TMPRSS15: variants seen among roughly 807,000 people sequenced by gnomAD.
The protein encoded by TMPRSS15 is transmembrane serine protease 15, also known as enteropeptidase.
Under a neutral mutation model 125.3 loss-of-function variants are expected in TMPRSS15, and 128 were observed. The ratio of observed to expected loss-of-function variants is 1.02; its 90% CI spans 0.89 to 1.18. The LOEUF (loss-of-function observed/expected upper bound fraction) is 1.18. Among genes scored for constraint, TMPRSS15 ranks in the 50% most tolerant of loss-of-function variants. The probability of loss-of-function intolerance (pLI) is 0.00; values close to 1 mark genes in which losing one functional copy is unlikely to be tolerated. For missense variants in TMPRSS15, 1,283 were observed against 1,212.7 expected, an observed-to-expected ratio of 1.06 and a Z score of -0.86; for synonymous variants, 446 against 423.2, an observed-to-expected ratio of 1.05 and a Z score of -0.66.
chr21:18,346,492 C>T (rs1170779432), intron 10 of TMPRSS15, among the ~76,000 whole-genome samples: 1 of 152,206 alleles, frequency 6.6e-6, no homozygotes, highest in Non-Finnish European at 1.5e-5. Flanking sequence ...GCCACTATTA[C>T]ATCTCTCCTA....
chr21:18,352,109 G>T (rs186869005), intron 10 of TMPRSS15, among the ~76,000 whole-genome samples: 1 of 151,862 alleles, frequency 6.6e-6, no homozygotes, highest in Admixed American at 6.6e-5. Flanking sequence ...TTCCTTCTAA[G>T]ATTTGTAACT....
chr21:18,426,757 A>C (rs1000049562), intron 1 of TMPRSS15, among the ~76,000 whole-genome samples: 5 of 152,224 alleles, frequency 3.3e-5, no homozygotes, highest in Non-Finnish European at 7.3e-5. Context: ...ATTTTCATTG[A>C]TAACATTTGA....
intron 1 of TMPRSS15, among the ~76,000 whole-genome samples, chr21:18,401,679 A>G (rs777237461): frequency 3.9e-5 from 6 of 152,096 alleles, no homozygotes; most frequent in Non-Finnish European, 7.4e-5. Context: ...AAACCTCAAT[A>G]TATGCAATAT....
intron 21 of TMPRSS15, among the ~76,000 whole-genome samples, chr21:18,293,049 C>T (rs2074857844): frequency 6.6e-6 from 1 of 152,098 alleles, no homozygotes; most frequent in Non-Finnish European, 1.5e-5. Context: ...ATTTGGCAAA[C>T]CTGAGAGCTA....
At chr21:18,315,828 G>T (rs1002472354) in intron 16 of TMPRSS15, among the ~76,000 whole-genome samples, 15 of 145,020 alleles carry the variant, frequency 1.0e-4, no homozygotes, top group Admixed American at 9.7e-4. Flanking sequence ...GTGTACCCTA[G>T]AACTTAAAGT....
intron 1 of TMPRSS15, among the ~76,000 whole-genome samples, chr21:18,425,836 T>C (rs1422049404): frequency 6.6e-6 from 1 of 152,150 alleles, no homozygotes; most frequent in Non-Finnish European, 1.5e-5. Flanking sequence ...TATTCTGGGC[T>C]TCAAGCACTC....
At chr21:18,459,744 G>A (rs576636274) in intron 1 of TMPRSS15, among the ~76,000 whole-genome samples, 2 of 152,142 alleles carry the variant, frequency 1.3e-5, no homozygotes, top group Admixed American at 1.3e-4. Flanking sequence ...TATTTTCATG[G>A]GAATTGTTTT....
chr21:18,358,872 A>C (rs944619564), intron 8 of TMPRSS15, among the ~76,000 whole-genome samples: 2 of 152,114 alleles, frequency 1.3e-5, no homozygotes, highest in African/African-American at 4.8e-5. Flanking sequence ...AATCTGTAAA[A>C]AATTATTCAA....
chr21:18,482,060 A>G (rs1490676772), intron 1 of TMPRSS15, among the ~76,000 whole-genome samples: 1 of 151,458 alleles, frequency 6.6e-6, no homozygotes, highest in Non-Finnish European at 1.5e-5. Context: ...AATTTTATCT[A>G]CGATATATTA....
Position 18,344,039 on chromosome 21 carries a change from G to T in TMPRSS15, c.1193C>A (p.Thr398Asn), listed in dbSNP as rs368235009. 1 of 1,613,880 alleles carries T rather than the reference G, an allele frequency of 6.2e-7. No homozygotes were observed. Among genetic ancestry groups the T allele is most frequent in the African/African-American group, 1.3e-5 (1 of 75,048 alleles). The change falls in exon 11 of 25, where the codon ACT becomes AAT. Residue 398 changes from threonine (T) to asparagine (N), a missense_variant. Physicochemically the swap from Thr to Asn is moderately conservative, Grantham distance 65. Coordinates refer to ENST00000284885, the MANE Select transcript of TMPRSS15 (RefSeq NM_002772.3). ...NASGFYISTPTGPGGRQERVG... is the reference protein window; with the variant it reads ...NASGFYISTPNGPGGRQERVG... ...TCGTTCTTGTCTCCCTCCTGGTCCA[G>T]TTGGGGTAGAAATGTAAAATCCTGT...
intron 1 of TMPRSS15, among the ~76,000 whole-genome samples, chr21:18,426,622 T>C (rs1351377080): frequency 6.6e-6 from 1 of 152,096 alleles, no homozygotes; most frequent in African/African-American, 2.4e-5. Context: ...AGCTATTTGT[T>C]TTAGCCACAG....
chr21:18,463,725 AG>A, intron 1 of TMPRSS15, among the ~76,000 whole-genome samples: 1 of 152,314 alleles, frequency 6.6e-6, no homozygotes, highest in Non-Finnish European at 1.5e-5. Context: ...CAAATGCAAA[AG>A]AATGGAAGTC....
At chr21:18,415,928 A>T (rs926874586) in intron 1 of TMPRSS15, among the ~76,000 whole-genome samples, 25 of 152,078 alleles carry the variant, frequency 1.6e-4, no homozygotes, top group Admixed American at 8.5e-4. Flanking sequence ...AAAATGTTAG[A>T]ACTAATAAAC....
Position 18,344,029 on chromosome 21 carries a change from T to C in TMPRSS15, c.1203A>G (p.Gly401=). Residue 401 remains glycine (G), a synonymous_variant, in exon 11 of 25, where the codon GGA becomes GGG. Coordinates refer to ENST00000284885, the MANE Select transcript of TMPRSS15 (RefSeq NM_002772.3). ...GFYISTPTGP[G]GRQERVGLLS... ...AAAGCCCCACTCGTTCTTGTCTCCCTCCTGGTCCAGTTGGGGTAGAAATGT... is the reference window on the plus strand; with the variant it reads ...AAAGCCCCACTCGTTCTTGTCTCCCCCCTGGTCCAGTTGGGGTAGAAATGT... 1 of 1,613,974 alleles carries C rather than the reference T, an allele frequency of 6.2e-7. No individual in the cohort carries two copies. Among genetic ancestry groups the C allele is most frequent in the Non-Finnish European group, 8.5e-7 (1 of 1,179,990 alleles).
At chr21:18,281,649 C>G (rs2074699779) in intron 21 of TMPRSS15, among the ~76,000 whole-genome samples, 1 of 152,164 alleles carries the variant, frequency 6.6e-6, no homozygotes, top group Non-Finnish European at 1.5e-5. Context: ...TAATATATGG[C>G]TAGGTTGGAG....
intron 1 of TMPRSS15, among the ~76,000 whole-genome samples, chr21:18,414,136 TTTAA>T (rs1384478158): frequency 4.6e-5 from 7 of 152,210 alleles, no homozygotes; most frequent in Non-Finnish European, 7.3e-5. Context: ...TTTTATTTCC[TTTAA>T]TTTTTTAAAA....
intron 3 of TMPRSS15, among the ~76,000 whole-genome samples, chr21:18,390,170 A>C (rs535511267): frequency 6.6e-6 from 1 of 152,280 alleles, no homozygotes; most frequent in African/African-American, 2.4e-5. Context: ...TTTTCATAAA[A>C]CTTTCCATGA....
chr21:18,317,072 A>G (rs1314888207), intron 16 of TMPRSS15, among the ~76,000 whole-genome samples: 1 of 152,216 alleles, frequency 6.6e-6, no homozygotes, highest in Non-Finnish European at 1.5e-5. Context: ...CTATTAGTCA[A>G]TATAATAACA....
At chr21:18,456,802 A>T (rs1978450114) in intron 1 of TMPRSS15, among the ~76,000 whole-genome samples, 1 of 152,138 alleles carries the variant, frequency 6.6e-6, no homozygotes, top group South Asian at 2.1e-4. Flanking sequence ...CAAACTCAAT[A>T]AAGATTTTCA....
Sources: gnomAD v4.1 joint callset for allele counts (sites outside exome capture counted in the v4.1 genomes callset) on GRCh38, gnomAD v4.1.1 for gene constraint, MANE v1.5 for transcripts, NCBI Gene and HGNC (gene_info 2026-07-23, HGNC 2026-07-21) for gene names.